Variants in RBFOX1 observed in about 807,000 individuals in gnomAD.
The protein encoded by RBFOX1 is RNA binding protein fox-1 homolog 1.
In RBFOX1, 8 loss-of-function variants were observed where a neutral mutation model predicts 57.7. The observed-to-expected ratio is 0.14, with a 90% CI of 0.08 to 0.25. The LOEUF (loss-of-function observed/expected upper bound fraction) is 0.25, where lower values mean the gene tolerates loss of function less well. Ranked by LOEUF, RBFOX1 falls within the 10% of genes least tolerant of loss-of-function variation. The probability of loss-of-function intolerance (pLI) is 1.00; values close to 1 mark genes in which losing one functional copy is unlikely to be tolerated. For synonymous variants in RBFOX1, 326 were observed against 222.4 expected (o/e 1.47, Z -4.15); for missense variants, 611 against 548.5 (o/e 1.11, Z -1.14).
chr16:5,271,165 A>G (rs2062995901), intron 1 of RBFOX1, among the ~76,000 whole-genome samples: 2 of 152,170 alleles, frequency 1.3e-5, no homozygotes. Context: ...CCTGGGCAAC[A>G]GAGTGAGACT....
rs141550080 is a variant in RBFOX1, at chr16:6,727,926, A to C, written c.-16+73276A>C. On this transcript the variant is annotated intron_variant, in intron 3 of 15. Transcript: ENST00000550418. ...ATCATACAGCCTGTTTTGGAAGGCT[A>C]GTTCTACTACGTACGCACAGAGATG... 1.9e-4 allele frequency among the ~76,000 whole-genome samples: 29 copies of C among 152,314 alleles called. No individual in the cohort carries two copies. In the East Asian group the frequency reaches 4.4e-3, roughly 23 times the overall value.
chr16:7,655,620 A>C (rs930902550), intron 12 of RBFOX1, among the ~76,000 whole-genome samples: 2 of 152,256 alleles, frequency 1.3e-5, no homozygotes, highest in African/African-American at 4.8e-5. Flanking sequence ...TGAGTTATGA[A>C]GGAAAAAGAA....
At chr16:6,457,259 G>A (rs2094796173) in intron 2 of RBFOX1, among the ~76,000 whole-genome samples, 1 of 152,170 alleles carries the variant, frequency 6.6e-6, no homozygotes, top group Admixed American at 6.5e-5. Flanking sequence ...TGTTATGGAA[G>A]CAAAAGGAAA....
chr16:5,744,478 C>T (rs181369158), intron 3 of RBFOX1, among the ~76,000 whole-genome samples: 6 of 152,312 alleles, frequency 3.9e-5, no homozygotes, highest in East Asian at 1.9e-4. Flanking sequence ...GGACCTGGTT[C>T]ATATGGCATC....
chr16:6,966,765 A>G (rs112169389), intron 3 of RBFOX1, among the ~76,000 whole-genome samples: 372 of 22,076 alleles, frequency 0.017, 2 homozygotes, highest in African/African-American at 0.038. Flanking sequence ...CTGTCTGTCT[A>G]TCTATCTATC....
chr16:7,707,437 G>T (rs1457363892), intron 14 of RBFOX1, among the ~76,000 whole-genome samples: 1 of 152,132 alleles, frequency 6.6e-6, no homozygotes, highest in African/African-American at 2.4e-5. Flanking sequence ...TGCAAATTGG[G>T]CTCTAAGGGA....
At chr16:6,548,596 T>A (rs562714823) in intron 2 of RBFOX1, among the ~76,000 whole-genome samples, 2 of 152,216 alleles carry the variant, frequency 1.3e-5, no homozygotes, top group Non-Finnish European at 2.9e-5. Context: ...AAAACACGAA[T>A]AAACTTTCAA....
At chr16:6,782,648 T>G (rs1424369096) in intron 3 of RBFOX1, among the ~76,000 whole-genome samples, 2 of 152,216 alleles carry the variant, frequency 1.3e-5, no homozygotes, top group African/African-American at 4.8e-5. Context: ...CGGCCTAACA[T>G]ATGGTCTACC....
chr16:6,477,225 G>C lies in RBFOX1; in HGVS notation c.-64+160168G>C, dbSNP rs548040458. ...GAATGTTCTTAATGGCATCTCAAAA[G>C]CGAATATTTTTTAGAATATTTCAGT... On this transcript the variant is annotated intron_variant, in intron 2 of 15. Coordinates refer to ENST00000550418, the MANE Select transcript of RBFOX1 (RefSeq NM_018723.4). Among the ~76,000 whole-genome samples, 165 of 152,240 alleles carry C rather than the reference G, an allele frequency of 1.1e-3. 1 individual carries two copies. The highest frequency in any genetic ancestry group is 3.7e-3 in the African/African-American group (155 of 41,556).
At chr16:5,915,836 G>C (rs1313222088) in intron 4 of RBFOX1, among the ~76,000 whole-genome samples, 3 of 146,346 alleles carry the variant, frequency 2.0e-5, no homozygotes, top group African/African-American at 7.5e-5. Flanking sequence ...AGTATAAAAA[G>C]AAAAAAAAAA....
intron 1 of RBFOX1, among the ~76,000 whole-genome samples, chr16:5,361,843 T>C (rs975863603): frequency 1.3e-5 from 2 of 152,218 alleles, no homozygotes; most frequent in Non-Finnish European, 2.9e-5. Context: ...AAAGTACTTC[T>C]GAGGCTAGCC....
intron 3 of RBFOX1, among the ~76,000 whole-genome samples, chr16:5,841,021 G>A (rs2056607915): frequency 6.6e-6 from 1 of 152,190 alleles, no homozygotes; most frequent in Non-Finnish European, 1.5e-5. Flanking sequence ...ATTACCTTGT[G>A]CTGCAGATAA....
intron 2 of RBFOX1, among the ~76,000 whole-genome samples, chr16:6,339,046 G>C (rs1449709402): frequency 6.6e-6 from 1 of 152,192 alleles, no homozygotes; most frequent in Non-Finnish European, 1.5e-5. Flanking sequence ...AGGATCAGGA[G>C]TGGAATGGAA....
intron 3 of RBFOX1, among the ~76,000 whole-genome samples, chr16:7,048,628 G>A (rs1045937221): frequency 6.6e-6 from 1 of 152,046 alleles, no homozygotes; most frequent in Non-Finnish European, 1.5e-5. Flanking sequence ...TATTTTCAGT[G>A]TGTTTTTTCT....
At chr16:5,293,664 T>G (rs1427020557) in intron 1 of RBFOX1, among the ~76,000 whole-genome samples, 8 of 152,132 alleles carry the variant, frequency 5.3e-5, no homozygotes, top group Non-Finnish European at 8.8e-5. Flanking sequence ...TTATTATGTA[T>G]GTTACATGAT....
chr16:6,613,053 G>A (rs961969472), intron 2 of RBFOX1, among the ~76,000 whole-genome samples: 92 of 149,796 alleles, frequency 6.1e-4, no homozygotes, highest in African/African-American at 2.1e-3. Context: ...GAGTGTGTGT[G>A]TGTGTTTTGG....
In RBFOX1 at chr16:6,905,737, G is replaced by A. The variant is rs561393458; in HGVS notation, c.-15-146320G>A. On this transcript the variant is annotated intron_variant, in intron 3 of 15. Coordinates refer to ENST00000550418, the MANE Select transcript of RBFOX1 (RefSeq NM_018723.4). ...AAAGAATTTCTCTCCAATGCCTGAGGCAAGTTTGCATGCCATGGATGGAAA... is the reference window on the plus strand; with the variant it reads ...AAAGAATTTCTCTCCAATGCCTGAGACAAGTTTGCATGCCATGGATGGAAA... 4.6e-5 allele frequency among the ~76,000 whole-genome samples: 7 copies of A among 152,282 alleles called. No homozygotes were observed. In the South Asian group the frequency reaches 1.2e-3, roughly 27 times the overall value.
intron 1 of RBFOX1, among the ~76,000 whole-genome samples, chr16:6,251,708 C>T (rs998177585): frequency 6.6e-6 from 1 of 152,060 alleles, no homozygotes; most frequent in Non-Finnish European, 1.5e-5. Context: ...AACCAAATTA[C>T]AAATTAAATG....
intron 3 of RBFOX1, among the ~76,000 whole-genome samples, chr16:5,848,040 C>G (rs538459320): frequency 6.6e-6 from 1 of 152,106 alleles, no homozygotes; most frequent in Non-Finnish European, 1.5e-5. Context: ...GAGAATTATC[C>G]TGCATGGCAG....
Sources: gnomAD v4.1 joint callset for allele counts (sites outside exome capture counted in the v4.1 genomes callset) on GRCh38, gnomAD v4.1.1 for gene constraint, MANE v1.5 for transcripts, NCBI Gene and HGNC (gene_info 2026-07-23, HGNC 2026-07-21) for gene names.